PADI4: variants seen among roughly 807,000 people sequenced by gnomAD.
PADI4 encodes protein-arginine deiminase type-4.
PADI4 carries 62 observed loss-of-function variants against 75.0 expected under a neutral mutation model. The ratio of observed to expected loss-of-function variants is 0.83; its 90% confidence interval spans 0.67 to 1.02. The LOEUF is 1.02. Ranked by LOEUF, PADI4 falls within the 50% of genes least tolerant of loss-of-function variation. The pLI is 0.00. For missense variants in PADI4, 845 were observed against 850.5 expected (o/e 0.99, Z 0.08); for synonymous variants, 361 against 348.1 (o/e 1.04, Z -0.41).
At chr1:17,355,350 G>A (rs12752201) in intron 11 of PADI4, among the ~76,000 whole-genome samples, 21,251 of 152,106 alleles carry the variant, frequency 0.14, 1,737 homozygotes, top group Middle Eastern at 0.32. Flanking sequence ...TCAGGAGTTC[G>A]AGACCAGCCT....
intron 1 of PADI4, among the ~76,000 whole-genome samples, chr1:17,317,219 C>T (rs1286156477): frequency 6.6e-6 from 1 of 152,098 alleles, no homozygotes; most frequent in African/African-American, 2.4e-5. Context: ...AGCCACCATG[C>T]CTGGCTGTGT....
chr1:17,353,228 C>T (rs372095222), intron 10 of PADI4, among the ~76,000 whole-genome samples: 20 of 152,126 alleles, frequency 1.3e-4, no homozygotes, highest in South Asian at 4.2e-4. Context: ...CTCTAGGAGC[C>T]GAGGCAGGAA....
rs141344738 is a variant in PADI4, at chr1:17,340,185, C to T, written c.652+372C>T. Among the ~76,000 whole-genome samples the T allele has an allele frequency of 2.4e-3, 359 of 152,288 alleles. 2 individuals carry two copies. Among genetic ancestry groups the T allele is most frequent in the African/African-American group, 8.2e-3 (341 of 41,570 alleles). ...ACATCAGGAACTTCTCAGTGACCCA[C>T]GAGCACCTGCAACTAAGTAGGTGCC... On this transcript the variant is annotated intron_variant, in intron 6 of 15. Coordinates refer to ENST00000375448, the MANE Select transcript of PADI4 (RefSeq NM_012387.3).
At chr1:17,348,919 G>A (rs2074570300) in intron 10 of PADI4, 1 of 152,248 alleles carries the variant, frequency 6.6e-6, no homozygotes, top group African/African-American at 2.4e-5. Flanking sequence ...TGGGGTCCAA[G>A]GTTTGCTAGG....
At chr1:17,328,375 G>A (rs1433743591) in intron 1 of PADI4, among the ~76,000 whole-genome samples, 2 of 152,140 alleles carry the variant, frequency 1.3e-5, no homozygotes, top group Non-Finnish European at 2.9e-5. Flanking sequence ...GCCAGGCACA[G>A]TGGCTCATGC....
At chr1:17,311,539 T>TAA (rs1553141258) in intron 1 of PADI4, among the ~76,000 whole-genome samples, 25 of 150,444 alleles carry the variant, frequency 1.7e-4, no homozygotes, top group African/African-American at 4.4e-4. Flanking sequence ...TTTTTTTTTT[T>TAA]AAAAACGGAG....
intron 1 of PADI4, among the ~76,000 whole-genome samples, chr1:17,328,482 C>T (rs984069601): frequency 2.6e-5 from 4 of 151,956 alleles, no homozygotes; most frequent in Non-Finnish European, 5.9e-5. Flanking sequence ...TCTGTCTCTA[C>T]AAAAAATTTT....
At chr1:17,354,085 A>G (rs1400890999) in intron 10 of PADI4, among the ~76,000 whole-genome samples, 1 of 151,554 alleles carries the variant, frequency 6.6e-6, no homozygotes, top group Non-Finnish European at 1.5e-5. Flanking sequence ...ACTAAAAAAA[A>G]AAAAAAATAC....
At chr1:17,348,222 C>T (rs12746252) in intron 10 of PADI4, 174 bp downstream of exon 10, 10,481 of 510,388 alleles carry the variant, frequency 0.021, 133 homozygotes, top group Middle Eastern at 0.036. Flanking sequence ...TTTTTATTAC[C>T]AAGATAAGAT....
At chr1:17,354,719 A>G in intron 11 of PADI4, 32 bp downstream of exon 11, 2 of 1,566,332 alleles carry the variant, frequency 1.3e-6, no homozygotes. Flanking sequence ...AGGGGTGGCC[A>G]GGACCCAGGT....
Position 17,342,486 on chromosome 1 carries a change from AAC to A in PADI4, c.935+86_935+87del, listed in dbSNP as rs2074441134. ...GCAGCACTCACTGTGTGATGGGAAA[AAC>A]AGTCACCCCTCCCCTGCCCACTGAG... On this transcript the variant is annotated intron_variant, in intron 8 of 15. Transcript: ENST00000375448. 8.7e-6 allele frequency: 7 copies of A among 802,852 alleles called. No individual in the cohort carries two copies. The Admixed American group carries it at 1.7e-4, about 19-fold the overall frequency. 49.7% of individuals were successfully genotyped at this position (802,852 alleles called of 1,614,324 possible).
At chr1:17,331,707 C>T (rs1293957199) in intron 2 of PADI4, among the ~76,000 whole-genome samples, 1 of 152,076 alleles carries the variant, frequency 6.6e-6, no homozygotes, top group African/African-American at 2.4e-5. Flanking sequence ...CACCTGAGGT[C>T]AGGAGTTTGA....
chr1:17,336,296 G>T (rs1007440159), intron 4 of PADI4, 70 bp downstream of exon 4: 47 of 1,125,500 alleles, frequency 4.2e-5, no homozygotes, highest in Middle Eastern at 1.9e-4. Context: ...TGTGGTGATG[G>T]GGCAAATGCT....
At chr1:17,327,276 A>G (rs568116917) in intron 1 of PADI4, among the ~76,000 whole-genome samples, 4 of 152,258 alleles carry the variant, frequency 2.6e-5, no homozygotes, top group South Asian at 2.1e-4. Context: ...GTTAAACCGT[A>G]TATCATTAGG....
chr1:17,315,102 T>C (rs2073909227), intron 1 of PADI4, among the ~76,000 whole-genome samples: 1 of 152,150 alleles, frequency 6.6e-6, no homozygotes, highest in South Asian at 2.1e-4. Context: ...GGGACAGCCA[T>C]GGCTTGAGTT....
intron 1 of PADI4, among the ~76,000 whole-genome samples, chr1:17,310,615 ACT>A (rs2073805989): frequency 6.7e-6 from 1 of 149,968 alleles, no homozygotes; most frequent in Non-Finnish European, 1.5e-5. Flanking sequence ...ACAGAGTAAG[ACT>A]CTGTCTCAAA....
intron 2 of PADI4, 104 bp from the exon 3 acceptor site, chr1:17,333,839 C>T: frequency 1.2e-6 from 1 of 825,260 alleles, no homozygotes; most frequent in South Asian, 1.5e-5. Flanking sequence ...TCTTGCCCAA[C>T]TTTGTCTCCC....
chr1:17,308,611 C>T (rs1309423048), intron 1 of PADI4, among the ~76,000 whole-genome samples: 3 of 152,210 alleles, frequency 2.0e-5, no homozygotes, highest in African/African-American at 7.2e-5. Context: ...CAGAAGCTTA[C>T]AGAGAGTCTG....
chr1:17,359,149 C>A (rs1197817017), intron 14 of PADI4, 131 bp from the exon 15 acceptor site: 1 of 736,636 alleles, frequency 1.4e-6, no homozygotes, highest in African/African-American at 1.8e-5. Context: ...GCCTGGCAGC[C>A]ACCTTCACTG....
Sources: gnomAD v4.1 joint callset for allele counts (sites outside exome capture counted in the v4.1 genomes callset) on GRCh38, gnomAD v4.1.1 for gene constraint, MANE v1.5 for transcripts, NCBI Gene and HGNC (gene_info 2026-07-23, HGNC 2026-07-21) for gene names.